GNE: variants seen among roughly 807,000 people sequenced by gnomAD.
The protein encoded by GNE is glucosamine (UDP-N-acetyl)-2-epimerase/N-acetylmannosamine kinase.
In GNE, 41 loss-of-function variants were observed where a neutral mutation model predicts 61.8. The ratio of observed to expected loss-of-function variants is 0.66; its 90% CI spans 0.52 to 0.86. The LOEUF (loss-of-function observed/expected upper bound fraction) is 0.86. Ranked by LOEUF, GNE falls within the 40% of genes least tolerant of loss-of-function variation. GNE has a pLI of 0.00. For missense variants in GNE, 608 were observed against 909.1 expected (o/e 0.67, Z 4.26); for synonymous variants, 264 against 326.4 (o/e 0.81, Z 2.06).
In GNE at chr9:36,218,399, T is replaced by G; in HGVS notation, c.1817-100A>C. ...AGCAAGCCCCTACATGGGAAGACGG[T>G]GTTTTCTTTTCACAATTGCAAAGCT... On this transcript the variant is annotated intron_variant, in intron 10 of 11. Coordinates refer to ENST00000642385, the MANE Select transcript of GNE (RefSeq NM_005476.7). The surrounding 1 kb of genome is among the most constrained non-coding windows in gnomAD (Gnocchi z 4.1). The G allele has an allele frequency of 1.2e-6, 1 of 824,984 alleles. No homozygotes were observed. Among genetic ancestry groups the G allele is most frequent in the Non-Finnish European group, 2.1e-6 (1 of 476,692 alleles). The allele number at this position is 824,984 out of a possible 1,614,324, so 51.1% of individuals were successfully genotyped here.
At chr9:36,243,774 G>A (rs1282270716) in intron 3 of GNE, among the ~76,000 whole-genome samples, 7 of 151,974 alleles carry the variant, frequency 4.6e-5, no homozygotes, top group Non-Finnish European at 1.0e-4. Context: ...GAGCCCAGGA[G>A]GACAAGACTG....
Position 36,219,975 on chromosome 9 carries a change from C to G in GNE, c.1679G>C (p.Ser560Thr). ...GCCCAGTTCTGCAGCACAGAAGGAGCTTCCGTGGATCAATTCATGCTGATG... is the reference window on the plus strand; with the variant it reads ...GCCCAGTTCTGCAGCACAGAAGGAGGTTCCGTGGATCAATTCATGCTGATG... The part of the protein sequence containing the change: ...IIHQHELIHG[S>T]SFCAAELGHL... The change falls in exon 10 of 12, where the codon AGC becomes ACC. Residue 560 changes from serine (S) to threonine (T), a missense_variant. By Grantham distance (58) the Ser-to-Thr change is moderately conservative. Transcript: ENST00000642385. 6.2e-7 allele frequency: 1 copy of G among 1,614,166 alleles called. No individual in the cohort carries two copies. The highest frequency in any genetic ancestry group is 1.7e-4 in the Middle Eastern group (1 of 6,054).
chr9:36,226,198 A>T (rs1044007581), intron 7 of GNE, among the ~76,000 whole-genome samples: 2 of 152,124 alleles, frequency 1.3e-5, no homozygotes, highest in Admixed American at 1.3e-4. Flanking sequence ...TTTGAGATGG[A>T]GTCTCACTCT....
At chr9:36,264,815 T>C (rs1056823777) in intron 1 of GNE, among the ~76,000 whole-genome samples, 2 of 152,296 alleles carry the variant, frequency 1.3e-5, no homozygotes, top group East Asian at 3.9e-4. Flanking sequence ...AATCATCTAT[T>C]GCCTGAGAGC....
Position 36,229,029 on chromosome 9 carries a change from C to T in GNE, c.1062G>A (p.Gln354=). The T allele has an allele frequency of 6.3e-7, 1 of 1,588,042 alleles. No individual in the cohort carries two copies. The highest frequency in any genetic ancestry group is 8.6e-7 in the Non-Finnish European group (1 of 1,156,408). The part of the protein sequence containing the change: ...LQALHLQFGK[Q]YPCSKIYGDG... ...GAATGTTTTATACTCACCAAGGGTA[C>T]TGTTTACCAAACTGAAGGTGCAGTG... is the stretch of plus-strand genomic sequence containing the variant. The change falls in exon 6 of 12, where the codon CAG becomes CAA. Residue 354 remains glutamine, a synonymous_variant. Coordinates refer to ENST00000642385, the MANE Select transcript of GNE (RefSeq NM_005476.7).
rs1328613754 is a variant in GNE, at chr9:36,219,500, G to T, written c.1816+338C>A. On this transcript the variant is annotated intron_variant, in intron 10 of 11. Coordinates refer to ENST00000642385, the MANE Select transcript of GNE (RefSeq NM_005476.7). Reference sequence around the variant, plus strand: ...CTACACATACAGTGCATGTATGTGTGATATATACATAACATGTTTTGTCCA... The same window carrying T: ...CTACACATACAGTGCATGTATGTGTTATATATACATAACATGTTTTGTCCA... 5.9e-5 allele frequency among the ~76,000 whole-genome samples: 9 copies of T among 152,258 alleles called. No individual in the cohort carries two copies. In the East Asian group the frequency reaches 1.7e-3, roughly 29 times the overall value.
chr9:36,274,103 T>C (rs1379260044), intron 1 of GNE, among the ~76,000 whole-genome samples: 1 of 72,388 alleles, frequency 1.4e-5, no homozygotes, highest in East Asian at 3.2e-4. Flanking sequence ...TGTGTGTGTG[T>C]GTGTGTGTGT....
intron 5 of GNE, among the ~76,000 whole-genome samples, chr9:36,232,014 C>T (rs1429039850): frequency 6.6e-6 from 1 of 152,142 alleles, no homozygotes; most frequent in African/African-American, 2.4e-5. Context: ...AAGTGTGTAT[C>T]ATTAAAGGAA....
Position 36,216,139 on chromosome 9 carries a change from G to C in GNE, c.*1226C>G. ...TCTGAGATGGGGGAGTGATAGATAT[G>C]TCCAGTGTCTTGATTGTGGTGATGC... On this transcript the variant is annotated 3_prime_UTR_variant, in exon 12 of 12. Coordinates refer to ENST00000642385, the MANE Select transcript of GNE (RefSeq NM_005476.7). 1 of 370,284 alleles carries C rather than the reference G, an allele frequency of 2.7e-6. No homozygotes were observed. The allele number at this position is 370,284 out of a possible 1,614,324, so 22.9% of individuals were successfully genotyped here.
chr9:36,260,719 A>C (rs1021055603), upstream of GNE, among the ~76,000 whole-genome samples: 1 of 151,488 alleles, frequency 6.6e-6, no homozygotes, highest in Non-Finnish European at 1.5e-5. Context: ...AATACAAAAC[A>C]TTAGCCGGGC....
intron 1 of GNE, among the ~76,000 whole-genome samples, chr9:36,252,381 G>A (rs1830141375): frequency 6.6e-6 from 1 of 152,170 alleles, no homozygotes; most frequent in African/African-American, 2.4e-5. Flanking sequence ...TCAAATTTGA[G>A]CTGAAAAAAT....
At chr9:36,227,703 C>T (rs575283036) in intron 6 of GNE, among the ~76,000 whole-genome samples, 12 of 152,050 alleles carry the variant, frequency 7.9e-5, no homozygotes, top group Non-Finnish European at 1.6e-4. Flanking sequence ...GACATAGCAA[C>T]TCTATCTCTA....
chr9:36,251,331 C>T (rs1445120805), intron 1 of GNE, among the ~76,000 whole-genome samples: 1 of 152,164 alleles, frequency 6.6e-6, no homozygotes, highest in East Asian at 1.9e-4. Context: ...CTCGCTCATC[C>T]CTCCCTGCCA....
chr9:36,219,423 G>C (rs1828483011), intron 10 of GNE, among the ~76,000 whole-genome samples: 1 of 147,398 alleles, frequency 6.8e-6, no homozygotes, highest in South Asian at 2.2e-4. Context: ...CTCACAAATT[G>C]GTTTTGGGGG....
At chr9:36,274,564 TG>T (rs1342484379) in intron 1 of GNE, among the ~76,000 whole-genome samples, 9 of 152,298 alleles carry the variant, frequency 5.9e-5, no homozygotes, top group Middle Eastern at 3.4e-3. Flanking sequence ...ATCCTGGGCT[TG>T]CAAGACACCT....
intron 1 of GNE, among the ~76,000 whole-genome samples, chr9:36,257,841 G>C (rs1389767541): frequency 1.6e-5 from 2 of 125,712 alleles, no homozygotes; most frequent in Non-Finnish European, 3.2e-5. Flanking sequence ...AAAAAAATTG[G>C]GGTGAGGGCG....
intron 4 of GNE, among the ~76,000 whole-genome samples, chr9:36,236,163 G>A (rs1181616614): frequency 1.3e-5 from 2 of 152,014 alleles, no homozygotes; most frequent in South Asian, 2.1e-4. Flanking sequence ...ATTTTACTGT[G>A]GATAGTGGAA....
intron 4 of GNE, among the ~76,000 whole-genome samples, chr9:36,236,266 T>C (rs1829386056): frequency 6.6e-6 from 1 of 152,092 alleles, no homozygotes; most frequent in South Asian, 2.1e-4. Flanking sequence ...AGTGGCATGA[T>C]CTCGGCTCAC....
At chr9:36,269,314 C>G (rs1190039010) in intron 1 of GNE, among the ~76,000 whole-genome samples, 2 of 151,808 alleles carry the variant, frequency 1.3e-5, no homozygotes, top group East Asian at 1.9e-4. Context: ...GCCCCTGCCC[C>G]TCTGCGTACT....
Sources: gnomAD v4.1 joint callset for allele counts (sites outside exome capture counted in the v4.1 genomes callset) on GRCh38, gnomAD v4.1.1 for gene constraint, Gnocchi (gnomAD v3.1) non-coding constraint, MANE v1.5 for transcripts, NCBI Gene and HGNC (gene_info 2026-07-23, HGNC 2026-07-21) for gene names.